Variants in NUP58 observed in about 807,000 individuals in gnomAD.
NUP58 encodes the protein nucleoporin p58/p45.
A neutral mutation model predicts 70.1 loss-of-function variants in NUP58; 17 were observed. That is an observed-to-expected ratio of 0.24 (90% CI 0.17 to 0.36). The LOEUF is 0.36. NUP58 is among the 10% of genes least tolerant of loss of function. The pLI, the probability that NUP58 is intolerant of heterozygous loss-of-function variation, is 1.00. For missense variants in NUP58, 644 were observed against 701.5 expected (o/e 0.92, Z 0.93); for synonymous variants, 275 against 257.6 (o/e 1.07, Z -0.65).
In NUP58 at chr13:25,340,704, C is replaced by G. The variant is rs934452281; in HGVS notation, c.*570C>G. The G allele has an allele frequency of 1.3e-5, 2 of 152,130 alleles. No homozygotes were observed. The highest frequency in any genetic ancestry group is 2.9e-5 in the Non-Finnish European group (2 of 68,054). 9.4% of individuals were successfully genotyped at this position (152,130 alleles called of 1,614,324 possible). ...TGGGAGGCCGAGGCAGGCGGATCAC[C>G]TGAGGTCAGGAGTTTGAGACCAGCC... is the stretch of plus-strand genomic sequence containing the variant. On this transcript the variant is annotated 3_prime_UTR_variant, in exon 16 of 16. Transcript: ENST00000381736.
At position 25,326,925 on chromosome 13, in the gene NUP58, A is replaced by C. The variant is rs1409009210; in HGVS notation, c.1041A>C (p.Arg347Ser). Residue 347 changes from arginine (R) to serine (S), a missense_variant, in exon 11 of 16, where the codon AGA (arginine) becomes AGC (serine). Physicochemically the swap from Arg to Ser is moderately radical, Grantham distance 110. Transcript: ENST00000381736. ...TAAATGTTTTTTAAAGCTACTTCAG[A>C]ATCTTGGTTCAGCAATTTGAGGTAC... Reference protein sequence around the residue: ...HEYAAPADYFRILVQQFEVQL... With the variant: ...HEYAAPADYFSILVQQFEVQL... The C allele has an allele frequency of 1.3e-6, 2 of 1,573,764 alleles. No homozygotes were observed. The highest frequency in any genetic ancestry group is 1.7e-6 in the Non-Finnish European group (2 of 1,159,506).
At chr13:25,334,715 A>T (rs1287818417) in intron 13 of NUP58, 4 of 979,824 alleles carry the variant, frequency 4.1e-6, no homozygotes, top group Non-Finnish European at 4.8e-6. Flanking sequence ...TTAGCACTTT[A>T]GTCCTTTTTC....
At chr13:25,344,450 C>T (rs1371569432), downstream of NUP58, among the ~76,000 whole-genome samples, 2 of 152,192 alleles carry the variant, frequency 1.3e-5, no homozygotes, top group African/African-American at 2.4e-5. Context: ...CACCAATACC[C>T]CACTGCCTTA....
At chr13:25,309,123 A>G (rs1312868332) in intron 2 of NUP58, 124 bp from the exon 3 acceptor site, 15 of 708,082 alleles carry the variant, frequency 2.1e-5, no homozygotes, top group Admixed American at 4.9e-5. Flanking sequence ...TATGATATGT[A>G]TTGTTCTAAT....
intron 7 of NUP58, 109 bp from the exon 8 acceptor site, chr13:25,320,421 T>G: frequency 4.4e-6 from 3 of 684,938 alleles, no homozygotes; most frequent in Non-Finnish European, 7.4e-6. Flanking sequence ...CCATACGTGC[T>G]TTTTTGCTAT....
At chr13:25,305,116 T>C (rs1266842881) in intron 1 of NUP58, among the ~76,000 whole-genome samples, 4 of 148,368 alleles carry the variant, frequency 2.7e-5, no homozygotes, top group African/African-American at 5.0e-5. Context: ...ACTAAATGTT[T>C]AAAGATCTGT....
At chr13:25,342,980 T>C (rs79854312), downstream of NUP58, among the ~76,000 whole-genome samples, 7,851 of 152,296 alleles carry the variant, frequency 0.052, 586 homozygotes, top group African/African-American at 0.16. Context: ...ATGATCTGTT[T>C]CAACTACTGT....
At chr13:25,305,825 CA>C (rs1290805387) in intron 1 of NUP58, among the ~76,000 whole-genome samples, 1 of 152,002 alleles carries the variant, frequency 6.6e-6, no homozygotes, top group Non-Finnish European at 1.5e-5. Flanking sequence ...CCAGTGTTTG[CA>C]AAAATTTGAG....
intron 7 of NUP58, 161 bp from the exon 8 acceptor site, chr13:25,320,369 A>G: frequency 1.9e-6 from 1 of 518,592 alleles, no homozygotes; most frequent in Non-Finnish European, 3.4e-6. Context: ...TTTACAATAA[A>G]TTTATGTTTT....
At chr13:25,330,659 T>C (rs9551192) in intron 12 of NUP58, among the ~76,000 whole-genome samples, 59,537 of 152,104 alleles carry the variant, frequency 0.39, 13,908 homozygotes, top group East Asian at 0.57. Flanking sequence ...AGATGCTGCA[T>C]TGGGTAAAAG....
rs142163862 is a variant in NUP58, at chr13:25,334,142, G to T, written c.1435+2584G>T. ...GAATTGAAAATCCAGCAGGCTATTT[G>T]TGTATGAAATCATGAGCATCGATAA... is the stretch of plus-strand genomic sequence containing the variant. On this transcript the variant is annotated intron_variant, in intron 13 of 15. Coordinates refer to ENST00000381736, the MANE Select transcript of NUP58 (RefSeq NM_014089.4). 49 of 985,318 alleles carry T rather than the reference G, an allele frequency of 5.0e-5. No homozygotes were observed. In the East Asian group the frequency reaches 5.6e-3, roughly 112 times the overall value. 61.0% of individuals were successfully genotyped at this position (985,318 alleles called of 1,614,324 possible).
rs375243588 is a variant in NUP58 at position 25,305,322 on chromosome 13, T to C, written c.108-2484T>C. On this transcript the variant is annotated intron_variant, in intron 1 of 15. Coordinates refer to ENST00000381736, the MANE Select transcript of NUP58 (RefSeq NM_014089.4). ...ATTGGCACGCCTGGCTAATTTTTGT[T>C]TTTTGGAAGTTTTTTGTTGTTGTTT... Among the ~76,000 whole-genome samples the C allele has an allele frequency of 1.9e-4, 29 of 151,892 alleles. 2 individuals carry two copies. The South Asian group carries it at 5.8e-3, about 31-fold the overall frequency.
At chr13:25,334,543 A>G in intron 13 of NUP58, 3 of 985,322 alleles carry the variant, frequency 3.0e-6, no homozygotes, top group Non-Finnish European at 3.6e-6. Flanking sequence ...TTTAATAACC[A>G]AAGGAACATT....
At chr13:25,335,751 T>C (rs1052950159) in intron 13 of NUP58, 1 of 983,874 alleles carries the variant, frequency 1.0e-6, no homozygotes, top group African/African-American at 1.7e-5. Context: ...CTTTTTAATA[T>C]ACAAACCTCA....
At chr13:25,322,355 C>T (rs541848459) in intron 9 of NUP58, among the ~76,000 whole-genome samples, 4 of 152,300 alleles carry the variant, frequency 2.6e-5, no homozygotes, top group African/African-American at 9.6e-5. Flanking sequence ...ACTGTAATGG[C>T]TAAAGGAATT....
rs766713764 is a variant in NUP58, at chr13:25,326,882, AT to A, written c.1032-33del. ...GGATTTGTCACTCCAAATTAAAAAA[AT>A]ATTTGATCTGACTTTTTAAATGTTT... On this transcript the variant is annotated intron_variant, in intron 10 of 15. Coordinates refer to ENST00000381736, the MANE Select transcript of NUP58 (RefSeq NM_014089.4). 23 of 1,251,892 alleles carry A rather than the reference AT, an allele frequency of 1.8e-5. No individual in the cohort carries two copies. In the East Asian group the frequency reaches 4.0e-4, roughly 22 times the overall value. 77.5% of individuals were successfully genotyped at this position (1,251,892 alleles called of 1,614,324 possible).
intron 9 of NUP58, among the ~76,000 whole-genome samples, chr13:25,324,025 G>A (rs1485140629): frequency 3.9e-5 from 6 of 152,062 alleles, no homozygotes; most frequent in African/African-American, 7.2e-5. Context: ...TATCATGAAC[G>A]AGGGTATGGG....
At chr13:25,336,133 G>C (rs1475948587) in intron 13 of NUP58, 1 of 1,308,938 alleles carries the variant, frequency 7.6e-7, no homozygotes, top group African/African-American at 1.6e-5. Flanking sequence ...AGAAACTTCT[G>C]AATTGAAATC....
At chr13:25,302,004 C>T in intron 1 of NUP58, 124 bp downstream of exon 1, 2 of 669,644 alleles carry the variant, frequency 3.0e-6, no homozygotes, top group Non-Finnish European at 4.9e-6. Flanking sequence ...TGGAGAGAAG[C>T]ACTTAATCTA....
Sources: gnomAD v4.1 joint callset for allele counts (sites outside exome capture counted in the v4.1 genomes callset) on GRCh38, gnomAD v4.1.1 for gene constraint, MANE v1.5 for transcripts, NCBI Gene and HGNC (gene_info 2026-07-23, HGNC 2026-07-21) for gene names.